The following TRPM3 variants were observed in gnomAD, a reference collection of about 807,000 sequenced individuals.
TRPM3 encodes the protein transient receptor potential cation channel subfamily M member 3, also known as long transient receptor potential channel 3.
Under a neutral mutation model 181.2 loss-of-function variants are expected in TRPM3, and 77 were observed. That is an observed-to-expected ratio of 0.42 (90% CI 0.35 to 0.51). The LOEUF is 0.51. Ranked by LOEUF, TRPM3 falls within the 20% of genes least tolerant of loss-of-function variation. The pLI is 0.01. For synonymous variants in TRPM3, 745 were observed against 796.4 expected (o/e 0.94, Z 1.09); for missense variants, 1,759 against 2,196.7 (o/e 0.80, Z 3.98).
chr9:70,825,041 A>T (rs1259736262), intron 6 of TRPM3: 1 of 152,162 alleles, frequency 6.6e-6, no homozygotes, highest in Admixed American at 6.5e-5. Flanking sequence ...TTGGGGGCTG[A>T]GTACAGTAAT....
chr9:71,246,010 A>G (rs1291343082), intron 1 of TRPM3, among the ~76,000 whole-genome samples: 1 of 152,184 alleles, frequency 6.6e-6, no homozygotes, highest in Non-Finnish European at 1.5e-5. Context: ...TAGTTAAGAA[A>G]GGAGGGATTG....
chr9:71,233,474 A>G (rs2081188773), intron 1 of TRPM3, among the ~76,000 whole-genome samples: 1 of 152,228 alleles, frequency 6.6e-6, no homozygotes, highest in Non-Finnish European at 1.5e-5. Flanking sequence ...CTTAAAAGCC[A>G]TATTAAGATG....
At chr9:70,998,845 A>T (rs1301998522) in intron 1 of TRPM3, among the ~76,000 whole-genome samples, 1 of 152,180 alleles carries the variant, frequency 6.6e-6, no homozygotes. Flanking sequence ...ATTTTGTAAT[A>T]ATGGTCTTTA....
chr9:70,584,559 T>C (rs563278230), intron 22 of TRPM3, among the ~76,000 whole-genome samples: 30 of 152,266 alleles, frequency 2.0e-4, no homozygotes, highest in Admixed American at 1.7e-3. Flanking sequence ...CCCATCCTCA[T>C]AGCTACCCCT....
chr9:70,842,341 G>C (rs887884768), intron 5 of TRPM3, among the ~76,000 whole-genome samples: 16 of 152,124 alleles, frequency 1.1e-4, no homozygotes, highest in African/African-American at 3.1e-4. Flanking sequence ...GGGCAGGACA[G>C]TGAGCCCTAT....
At chr9:70,984,633 T>C (rs2097400993) in intron 1 of TRPM3, among the ~76,000 whole-genome samples, 1 of 152,180 alleles carries the variant, frequency 6.6e-6, no homozygotes. Context: ...GAGAAAGTGA[T>C]GTAACAACAG....
intron 20 of TRPM3, among the ~76,000 whole-genome samples, chr9:70,602,594 C>T (rs1369920883): frequency 6.6e-6 from 1 of 152,188 alleles, no homozygotes; most frequent in East Asian, 1.9e-4. Context: ...ATGGCTTTCC[C>T]TGATGAAATA....
intron 8 of TRPM3, among the ~76,000 whole-genome samples, chr9:70,754,412 T>C (rs1252305336): frequency 6.6e-6 from 1 of 152,168 alleles, no homozygotes; most frequent in Non-Finnish European, 1.5e-5. Flanking sequence ...AGGTTATAGG[T>C]TGATTTCTAG....
At chr9:70,805,917 C>T (rs1209444537) in intron 6 of TRPM3, among the ~76,000 whole-genome samples, 1 of 152,208 alleles carries the variant, frequency 6.6e-6, no homozygotes, top group African/African-American at 2.4e-5. Flanking sequence ...TGTGCACTTC[C>T]TCTGTTCTCC....
At chr9:70,942,219 A>T (rs1326792744) in intron 1 of TRPM3, among the ~76,000 whole-genome samples, 1 of 152,150 alleles carries the variant, frequency 6.6e-6, no homozygotes, top group Non-Finnish European at 1.5e-5. Flanking sequence ...ATTTCCTCTT[A>T]TATTCTTTTT....
chr9:71,403,545 G>A, intron 1 of TRPM3, among the ~76,000 whole-genome samples: 1 of 152,148 alleles, frequency 6.6e-6, no homozygotes, highest in South Asian at 2.1e-4. Context: ...TATATGCCAG[G>A]TTCTATTATG....
chr9:70,568,392 C>CAACA (rs1451020967), intron 22 of TRPM3, among the ~76,000 whole-genome samples: 1 of 152,148 alleles, frequency 6.6e-6, no homozygotes, highest in Non-Finnish European at 1.5e-5. Flanking sequence ...CTGATTGTTA[C>CAACA]AACAAACATT....
intron 1 of TRPM3, among the ~76,000 whole-genome samples, chr9:71,254,522 G>A (rs1327219631): frequency 2.0e-5 from 3 of 152,116 alleles, no homozygotes; most frequent in Non-Finnish European, 2.9e-5. Flanking sequence ...TGTGAGTAAT[G>A]CATATGTTAA....
chr9:71,331,712 A>AAGGAGGAGGAAAAGGAGGAGAAAAAGG (rs1588524479), intron 1 of TRPM3, among the ~76,000 whole-genome samples: 1 of 114,478 alleles, frequency 8.7e-6, no homozygotes, highest in Non-Finnish European at 1.8e-5. Context: ...GGAGGAGAAA[A>AAGGAGGAGGAAAAGGAGGAGAAAAAGG]AGGAGGAGGA....
At chr9:70,980,959 C>T (rs949531128) in intron 1 of TRPM3, among the ~76,000 whole-genome samples, 14 of 152,112 alleles carry the variant, frequency 9.2e-5, no homozygotes, top group African/African-American at 1.9e-4. Context: ...AAAGCAATTC[C>T]GATACATATG....
At chr9:70,987,564 G>A (rs1457175759) in intron 1 of TRPM3, among the ~76,000 whole-genome samples, 1 of 151,800 alleles carries the variant, frequency 6.6e-6, no homozygotes, top group Non-Finnish European at 1.5e-5. Flanking sequence ...TACTTTTAAT[G>A]GCAAAAACCG....
intron 1 of TRPM3, among the ~76,000 whole-genome samples, chr9:71,107,343 G>T (rs771905724): frequency 6.6e-6 from 1 of 152,026 alleles, no homozygotes; most frequent in Non-Finnish European, 1.5e-5. Context: ...CCCTTCTTCT[G>T]GTTGGTATCT....
intron 22 of TRPM3, among the ~76,000 whole-genome samples, chr9:70,555,847 G>C (rs2031969613): frequency 6.6e-6 from 1 of 152,178 alleles, no homozygotes; most frequent in Non-Finnish European, 1.5e-5. Context: ...TCAGATCTCT[G>C]TGTAGACGCC....
At chr9:71,160,675 G>C (rs181752840) in intron 1 of TRPM3, among the ~76,000 whole-genome samples, 1 of 152,242 alleles carries the variant, frequency 6.6e-6, no homozygotes, top group Admixed American at 6.5e-5. Context: ...CCACTGGGTA[G>C]GATCAAATCT....
Sources: allele counts gnomAD v4.1 joint callset (sites outside exome capture counted in the v4.1 genomes callset), GRCh38; gene constraint gnomAD v4.1.1; transcripts MANE v1.5; gene names NCBI Gene and HGNC (gene_info 2026-07-23, HGNC 2026-07-21).